The following PARD3B variants were observed in gnomAD, a reference collection of about 807,000 sequenced individuals.
PARD3B encodes the protein par-3 family cell polarity regulator beta.
In PARD3B, 103 loss-of-function variants were observed where a neutral mutation model predicts 130.2. That is an observed-to-expected ratio of 0.79 (90% CI 0.67 to 0.93). The LOEUF (loss-of-function observed/expected upper bound fraction) is 0.93. Ranked by LOEUF, PARD3B falls within the 40% of genes least tolerant of loss-of-function variation. The pLI is 0.00. For missense variants in PARD3B, 1,609 were observed against 1,499.2 expected, an observed-to-expected ratio of 1.07 and a Z score of -1.21; for synonymous variants, 583 against 553.2, an observed-to-expected ratio of 1.05 and a Z score of -0.76.
rs981934002 is a variant in PARD3B at position 205,584,097 on chromosome 2, G to A, written c.3260+30694G>A. 1.3e-5 allele frequency among the ~76,000 whole-genome samples: 2 copies of A among 152,284 alleles called. No homozygotes were observed. The highest frequency in any genetic ancestry group is 3.4e-3 in the Middle Eastern group (1 of 294). ...GCTTCAAAGTCAAAAATTACAAGCA[G>A]TTAATCACAATTGGAAATAATTCTT... On this transcript the variant is annotated intron_variant, in intron 22 of 22. Coordinates refer to ENST00000406610, the MANE Select transcript of PARD3B (RefSeq NM_001302769.2). This position sits in a 1 kb window ranked among gnomAD's most constrained non-coding sequence, Gnocchi z 5.5.
At chr2:205,538,975 G>A (rs1400831343) in intron 21 of PARD3B, among the ~76,000 whole-genome samples, 3 of 152,132 alleles carry the variant, frequency 2.0e-5, no homozygotes, top group Non-Finnish European at 4.4e-5. Context: ...ACAGATGAGA[G>A]AAATGAGGCT....
intron 1 of PARD3B, among the ~76,000 whole-genome samples, chr2:204,685,405 T>TA (rs2037027363): frequency 6.6e-6 from 1 of 152,216 alleles, no homozygotes; most frequent in Admixed American, 6.5e-5. Flanking sequence ...ATGGTTCACT[T>TA]TCATAGCTAT....
chr2:205,009,943 G>A (rs1695582754), intron 3 of PARD3B, among the ~76,000 whole-genome samples: 1 of 152,048 alleles, frequency 6.6e-6, no homozygotes, highest in African/African-American at 2.4e-5. Context: ...TCTTTACAAT[G>A]GTATCTCACC....
At chr2:204,634,535 GTCTT>G (rs1010832552) in intron 1 of PARD3B, among the ~76,000 whole-genome samples, 1 of 152,100 alleles carries the variant, frequency 6.6e-6, no homozygotes, top group Non-Finnish European at 1.5e-5. Context: ...TTATATATGA[GTCTT>G]CCTTCCCCTC....
At chr2:205,131,392 A>G (rs2031985078) in intron 10 of PARD3B, among the ~76,000 whole-genome samples, 1 of 152,126 alleles carries the variant, frequency 6.6e-6, no homozygotes, top group South Asian at 2.1e-4. Flanking sequence ...TTTCTTTTTC[A>G]GCTTTTCCCT....
intron 2 of PARD3B, among the ~76,000 whole-genome samples, chr2:204,835,252 G>A (rs1219075482): frequency 1.3e-5 from 2 of 152,222 alleles, no homozygotes; most frequent in Non-Finnish European, 2.9e-5. Context: ...TGAGATGCAT[G>A]CTAAGAAATG....
chr2:205,182,891 C>T (rs1004842032), intron 13 of PARD3B, among the ~76,000 whole-genome samples: 2 of 151,444 alleles, frequency 1.3e-5, no homozygotes, highest in Non-Finnish European at 2.9e-5. Flanking sequence ...GCTGCACCCT[C>T]TCATAACCAC....
Position 204,907,816 on chromosome 2 carries a change from C to G in PARD3B, c.223-57336C>G, listed in dbSNP as rs2047091293. ...TCCCAGGGTCAAGCAATTCCCCTGC[C>G]TCCAACTCCTGAGTAGCTGGGACTA... On this transcript the variant is annotated intron_variant, in intron 2 of 22. Coordinates refer to ENST00000406610, the MANE Select transcript of PARD3B (RefSeq NM_001302769.2). This position sits in a 1 kb window ranked among gnomAD's most constrained non-coding sequence, Gnocchi z 5.7. Among the ~76,000 whole-genome samples, 1 of 152,134 alleles carries G rather than the reference C, an allele frequency of 6.6e-6. No homozygotes were observed. The highest frequency in any genetic ancestry group is 6.5e-5 in the Admixed American group (1 of 15,278).
At chr2:204,981,782 T>C (rs954517002) in intron 3 of PARD3B, among the ~76,000 whole-genome samples, 1 of 152,112 alleles carries the variant, frequency 6.6e-6, no homozygotes, top group African/African-American at 2.4e-5. Context: ...GAGAGTAGGG[T>C]GTCTGATGAC....
intron 1 of PARD3B, among the ~76,000 whole-genome samples, chr2:204,584,592 A>G (rs1180551629): frequency 1.3e-5 from 2 of 152,176 alleles, no homozygotes; most frequent in Non-Finnish European, 2.9e-5. Context: ...CATCTGGGTA[A>G]TAATTTTAAA....
intron 18 of PARD3B, among the ~76,000 whole-genome samples, chr2:205,315,530 G>A (rs146547367): frequency 6.6e-6 from 1 of 152,264 alleles, no homozygotes; most frequent in East Asian, 1.9e-4. Context: ...TAATTCATTA[G>A]GTTTGATATG....
intron 2 of PARD3B, among the ~76,000 whole-genome samples, chr2:204,851,684 C>T (rs944971059): frequency 6.6e-6 from 1 of 152,006 alleles, no homozygotes; most frequent in Non-Finnish European, 1.5e-5. Flanking sequence ...ACGTTATCAA[C>T]TGGCCAACAG....
intron 1 of PARD3B, among the ~76,000 whole-genome samples, chr2:204,598,068 A>G (rs1350563009): frequency 6.6e-6 from 1 of 152,148 alleles, no homozygotes; most frequent in Admixed American, 6.6e-5. Flanking sequence ...TTGACCAGTT[A>G]AGACTATCAA....
rs1047728724 is a variant in PARD3B at position 205,366,220 on chromosome 2, G to C, written c.2631-34793G>C. On this transcript the variant is annotated intron_variant, in intron 18 of 22. Coordinates refer to ENST00000406610, the MANE Select transcript of PARD3B (RefSeq NM_001302769.2). The surrounding 1 kb of genome is among the most constrained non-coding windows in gnomAD (Gnocchi z 5.0). Reference sequence around the variant, plus strand: ...TTAAAATTAGCTTTACATTCCATAAGCACCCATACACTGATGGAAAGTGGA... The same window carrying C: ...TTAAAATTAGCTTTACATTCCATAACCACCCATACACTGATGGAAAGTGGA... Among the ~76,000 whole-genome samples the C allele has an allele frequency of 2.0e-5, 3 of 152,062 alleles. No homozygotes were observed. The highest frequency in any genetic ancestry group is 4.8e-5 in the African/African-American group (2 of 41,384).
chr2:205,052,234 T>G (rs1305002170), intron 4 of PARD3B, among the ~76,000 whole-genome samples: 1 of 151,772 alleles, frequency 6.6e-6, no homozygotes, highest in East Asian at 1.9e-4. Context: ...GGTTTTTAAT[T>G]TAACCCTTAA....
intron 18 of PARD3B, among the ~76,000 whole-genome samples, chr2:205,310,561 C>T (rs945191079): frequency 1.3e-5 from 2 of 152,022 alleles, no homozygotes; most frequent in Non-Finnish European, 2.9e-5. Flanking sequence ...GACTTTTATA[C>T]ACCTCACATA....
At chr2:204,901,145 A>C (rs890424678) in intron 2 of PARD3B, among the ~76,000 whole-genome samples, 1 of 152,108 alleles carries the variant, frequency 6.6e-6, no homozygotes, top group Non-Finnish European at 1.5e-5. Context: ...GACTGCAGTC[A>C]TCAGGTGGCA....
At chr2:205,293,386 G>A (rs2041679692) in intron 16 of PARD3B, 2 of 152,148 alleles carry the variant, frequency 1.3e-5, no homozygotes. Context: ...AAGAGTTAAT[G>A]GCAAAAGGAA....
chr2:205,514,062 G>A (rs900263476), intron 21 of PARD3B, among the ~76,000 whole-genome samples: 6 of 152,056 alleles, frequency 3.9e-5, no homozygotes, highest in African/African-American at 1.2e-4. Context: ...GTTTCATGAT[G>A]ATACTTTTCT....
Sources: gnomAD v4.1 joint callset for allele counts (sites outside exome capture counted in the v4.1 genomes callset) on GRCh38, gnomAD v4.1.1 for gene constraint, Gnocchi (gnomAD v3.1) non-coding constraint, MANE v1.5 for transcripts, NCBI Gene and HGNC (gene_info 2026-07-23, HGNC 2026-07-21) for gene names.